SEMA4B: variants seen among roughly 807,000 people sequenced by gnomAD.
The protein encoded by SEMA4B is semaphorin-4B.
A neutral mutation model predicts 88.1 loss-of-function variants in SEMA4B; 55 were observed. The observed-to-expected ratio is 0.62, with a 90% CI of 0.50 to 0.78. The LOEUF is 0.78. Among genes scored for constraint, SEMA4B ranks in the 30% least tolerant of loss-of-function variants. The pLI is 0.00. For missense variants in SEMA4B, 1,062 were observed against 1,111.9 expected (o/e 0.96, Z 0.64); for synonymous variants, 525 against 473.6 (o/e 1.11, Z -1.41).
intron 1 of SEMA4B, among the ~76,000 whole-genome samples, chr15:90,210,095 G>C (rs1023109373): frequency 1.3e-5 from 2 of 152,200 alleles, no homozygotes; most frequent in South Asian, 4.1e-4. Flanking sequence ...AGTGGGGATG[G>C]TGAGGGGAAT....
At chr15:90,201,915 T>C (rs764917876) in intron 1 of SEMA4B, among the ~76,000 whole-genome samples, 180 bp downstream of exon 1, 1 of 152,220 alleles carries the variant, frequency 6.6e-6, no homozygotes, top group South Asian at 2.1e-4. Context: ...AGGGGAGCTG[T>C]GGGGCCGCTG....
chr15:90,224,128 T>C, intron 9 of SEMA4B, 140 bp downstream of exon 9: 1 of 747,318 alleles, frequency 1.3e-6, no homozygotes, highest in Non-Finnish European at 2.1e-6. Context: ...TATGGGGATA[T>C]AGGCCCAGGC....
intron 12 of SEMA4B, 84 bp downstream of exon 12, chr15:90,225,911 C>G (rs374132267): frequency 8.9e-7 from 1 of 1,121,870 alleles, no homozygotes; most frequent in Admixed American, 3.6e-5. Flanking sequence ...TCCTTGGGAC[C>G]GCCACACAGC....
chr15:90,217,251 T>C (rs1163928478), intron 1 of SEMA4B, 188 bp from the exon 2 acceptor site: 3 of 562,862 alleles, frequency 5.3e-6, no homozygotes, highest in African/African-American at 1.9e-5. Context: ...TCATTTCTTA[T>C]GTAATGTTTG....
rs1962005908 is a variant in SEMA4B, at chr15:90,223,936, C to T, written c.1142C>T (p.Thr381Ile). 1 of 1,613,804 alleles carries T rather than the reference C, an allele frequency of 6.2e-7. No individual in the cohort carries two copies. Among genetic ancestry groups the T allele is most frequent in the Non-Finnish European group, 8.5e-7 (1 of 1,179,880 alleles). ...CTCTACAAGGAGGTGAACCGTGAGA[C>T]ACAGCAGTGGTACACCGTGACCCAC... ...SGLYKEVNRE[T>I]QQWYTVTHPV... The change falls in exon 9 of 14, where the codon ACA (threonine) becomes ATA (isoleucine). Residue 381 changes from threonine to isoleucine, a missense_variant. By Grantham distance (89) the Thr-to-Ile change is moderately conservative. Coordinates refer to ENST00000411539, the MANE Select transcript of SEMA4B (RefSeq NM_198925.4).
intron 1 of SEMA4B, among the ~76,000 whole-genome samples, chr15:90,189,360 G>C (rs1037093739): frequency 2.6e-5 from 4 of 152,350 alleles, no homozygotes; most frequent in East Asian, 3.9e-4. Flanking sequence ...GCAGATCTGA[G>C]TTGTGGTCCT....
At chr15:90,215,039 G>A in intron 1 of SEMA4B, 1 of 1,241,940 alleles carries the variant, frequency 8.1e-7, no homozygotes, top group Non-Finnish European at 1.0e-6. Flanking sequence ...AGCTTCGTGA[G>A]ACTGTTTGTG....
intron 8 of SEMA4B, 38 bp from the exon 9 acceptor site, chr15:90,223,800 C>T (rs1447121290): frequency 6.2e-7 from 1 of 1,608,602 alleles, no homozygotes; most frequent in African/African-American, 1.3e-5. Context: ...ACTGGGGCCC[C>T]CAGGGCTCCT....
At position 90,219,828 on chromosome 15, in the gene SEMA4B, G is replaced by A. The variant is rs562838911; in HGVS notation, c.420G>A (p.Pro140=). ...AAAACTACATCAAGATCCTCCTGCC[G>A]CTCAGCGGCAGTCACCTGTTCACCT... ...DCQNYIKILL[P]LSGSHLFTCG... The change falls in exon 4 of 14, where the codon CCG becomes CCA. Residue 140 remains proline, a synonymous_variant. Transcript: ENST00000411539. 2.7e-4 allele frequency: 440 copies of A among 1,613,538 alleles called. 2 individuals are homozygous for A. In the South Asian group the frequency reaches 4.5e-3, roughly 17 times the overall value.
At chr15:90,214,957 C>T (rs955317412) in intron 1 of SEMA4B, 2 of 1,278,918 alleles carry the variant, frequency 1.6e-6, no homozygotes, top group African/African-American at 3.1e-5. Flanking sequence ...TGTAAAAACA[C>T]TCCACAGGTA....
chr15:90,190,704 C>T (rs974196163), intron 1 of SEMA4B, among the ~76,000 whole-genome samples: 1 of 152,050 alleles, frequency 6.6e-6, no homozygotes, highest in African/African-American at 2.4e-5. Flanking sequence ...TTCATGGGAT[C>T]TTTGGAACCA....
chr15:90,206,628 A>G (rs1961003451), intron 1 of SEMA4B: 1 of 630,894 alleles, frequency 1.6e-6, no homozygotes, highest in Admixed American at 2.3e-5. Flanking sequence ...GCTTTACAAG[A>G]GCTGTTGAAG....
At chr15:90,194,024 A>G (rs8041673) in intron 1 of SEMA4B, among the ~76,000 whole-genome samples, 105,493 of 151,202 alleles carry the variant, frequency 0.7, 37,247 homozygotes, top group African/African-American at 0.8. Flanking sequence ...GCTAATTTTC[A>G]TATTTTTAGT....
At chr15:90,194,933 C>T (rs1490451970) in intron 1 of SEMA4B, among the ~76,000 whole-genome samples, 2 of 152,082 alleles carry the variant, frequency 1.3e-5, no homozygotes, top group African/African-American at 2.4e-5. Flanking sequence ...CTCTGAAAGA[C>T]CAGGACTTAA....
chr15:90,214,989 A>C, intron 1 of SEMA4B: 1 of 1,273,428 alleles, frequency 7.9e-7, no homozygotes, highest in Non-Finnish European at 1.0e-6. Context: ...AGTCATCTTC[A>C]CAGCTGCTTG....
intron 1 of SEMA4B, among the ~76,000 whole-genome samples, chr15:90,214,773 T>C (rs942606852): frequency 6.6e-6 from 1 of 152,168 alleles, no homozygotes; most frequent in African/African-American, 2.4e-5. Flanking sequence ...GGCTCAGCCC[T>C]TCTCTACCAG....
intron 3 of SEMA4B, 56 bp from the exon 4 acceptor site, chr15:90,219,737 C>T: frequency 1.4e-6 from 2 of 1,397,126 alleles, no homozygotes; most frequent in East Asian, 2.3e-5. Context: ...CTCGGCGGTG[C>T]CCCCTGGTGG....
chr15:90,186,482 G>C (rs1483274581), intron 1 of SEMA4B, among the ~76,000 whole-genome samples: 1 of 151,998 alleles, frequency 6.6e-6, no homozygotes, highest in Non-Finnish European at 1.5e-5. Context: ...AGCTGGGCAT[G>C]GTGGCGCATG....
chr15:90,219,118 AG>A (rs1277186050), intron 3 of SEMA4B: 12 of 152,474 alleles, frequency 7.9e-5, no homozygotes, highest in African/African-American at 2.9e-4. Context: ...GAGAGCAGTG[AG>A]GGGCGAGTGA....
Sources: gnomAD v4.1 joint callset for allele counts (sites outside exome capture counted in the v4.1 genomes callset) on GRCh38, gnomAD v4.1.1 for gene constraint, MANE v1.5 for transcripts, NCBI Gene and HGNC (gene_info 2026-07-23, HGNC 2026-07-21) for gene names.